Variants in MTFR1 observed in about 807,000 individuals in gnomAD.
MTFR1 encodes chondrocyte protein with a poly-proline region.
In MTFR1, 28 loss-of-function variants were observed where a neutral mutation model predicts 38.8. That is an observed-to-expected ratio of 0.72 (90% CI 0.53 to 0.99). The LOEUF (loss-of-function observed/expected upper bound fraction) is 0.99. Among genes scored for constraint, MTFR1 ranks in the 50% least tolerant of loss-of-function variants. The pLI is 0.00. For missense variants in MTFR1, 358 were observed against 395.5 expected, an observed-to-expected ratio of 0.91 and a Z score of 0.81; for synonymous variants, 145 against 137.0, an observed-to-expected ratio of 1.06 and a Z score of -0.41.
At chr8:65,731,344 A>C (rs1806878597) in intron 3 of MTFR1, among the ~76,000 whole-genome samples, 1 of 152,202 alleles carries the variant, frequency 6.6e-6, no homozygotes, top group South Asian at 2.1e-4. Context: ...CTCTTTTGTC[A>C]ACTGCCAGGG....
downstream of MTFR1, among the ~76,000 whole-genome samples, chr8:65,713,415 T>A (rs1806009123): frequency 6.8e-6 from 1 of 147,542 alleles, no homozygotes; most frequent in South Asian, 2.2e-4. Context: ...CACTCTAGCC[T>A]GGGCAACGGA....
At chr8:65,686,304 G>T (rs1017937798) in intron 3 of MTFR1, among the ~76,000 whole-genome samples, 17 of 152,158 alleles carry the variant, frequency 1.1e-4, no homozygotes, top group Non-Finnish European at 2.2e-4. Flanking sequence ...CAGCACAGTG[G>T]CTCGCACCTG....
intron 1 of MTFR1, among the ~76,000 whole-genome samples, chr8:65,667,594 A>G (rs192395474): frequency 4.4e-3 from 671 of 151,824 alleles, no homozygotes; most frequent in Non-Finnish European, 7.6e-3. Context: ...TGCCCAGCTA[A>G]TTTTTGTATT....
intron 3 of MTFR1, among the ~76,000 whole-genome samples, chr8:65,752,407 CA>C (rs1179413522): frequency 6.6e-6 from 1 of 152,102 alleles, no homozygotes; most frequent in Non-Finnish European, 1.5e-5. Flanking sequence ...ATTGAATGTT[CA>C]AATTTTTTTT....
intron 4 of MTFR1, among the ~76,000 whole-genome samples, chr8:65,699,096 T>C (rs1444452780): frequency 6.6e-6 from 1 of 152,218 alleles, no homozygotes; most frequent in East Asian, 1.9e-4. Flanking sequence ...ATGTGGTATT[T>C]GGTTTTCTGT....
chr8:65,657,806 A>G (rs569061774), intron 1 of MTFR1, among the ~76,000 whole-genome samples: 12 of 152,248 alleles, frequency 7.9e-5, no homozygotes, highest in African/African-American at 2.9e-4. Context: ...ACACATAATA[A>G]TTGTACATAT....
At chr8:65,729,989 GCCATGGACCGGTACTGGT>G (rs1806785212) in intron 3 of MTFR1, among the ~76,000 whole-genome samples, 1 of 151,674 alleles carries the variant, frequency 6.6e-6, no homozygotes, top group Admixed American at 6.6e-5. Flanking sequence ...CAATCCCCAG[GCCATGGACCGGTACTGGT>G]CCATGGCCTG....
At position 65,707,197 on chromosome 8, in the gene MTFR1, G is replaced by A. The variant is rs773672338; in HGVS notation, c.705G>A (p.Met235Ile). ...LVKNNPKKPE[M>I]PNMLEILKEM... ...AGAACAATCCAAAGAAACCTGAAATGCCAAATATGCTAGAGATCCTTAAAG... is the reference window on the plus strand; with the variant it reads ...AGAACAATCCAAAGAAACCTGAAATACCAAATATGCTAGAGATCCTTAAAG... Residue 235 changes from methionine (M) to isoleucine (I), a missense_variant, in exon 6 of 8, where the codon ATG (methionine) becomes ATA (isoleucine). Coordinates refer to ENST00000262146, the MANE Select transcript of MTFR1 (RefSeq NM_014637.4). The A allele has an allele frequency of 1.9e-6, 3 of 1,614,024 alleles. No individual in the cohort carries two copies. The highest frequency in any genetic ancestry group is 2.2e-5 in the South Asian group (2 of 91,086).
chr8:65,682,062 T>C (rs2129053495), intron 2 of MTFR1: 1 of 167,198 alleles, frequency 6.0e-6, no homozygotes, highest in East Asian at 1.6e-4. Flanking sequence ...GAAAACCTGA[T>C]GAAAATAAAA....
intron 1 of MTFR1, among the ~76,000 whole-genome samples, chr8:65,663,190 A>T: frequency 6.6e-6 from 1 of 152,188 alleles, no homozygotes; most frequent in Non-Finnish European, 1.5e-5. Flanking sequence ...ATACTAAGAA[A>T]AATTCTTCTG....
chr8:65,737,851 A>T (rs985643639), intron 3 of MTFR1, among the ~76,000 whole-genome samples: 4 of 152,212 alleles, frequency 2.6e-5, no homozygotes, highest in Non-Finnish European at 1.5e-5. Flanking sequence ...CACCAGCAAC[A>T]TCTTAACTTA....
intron 5 of MTFR1, 32 bp from the exon 6 acceptor site, chr8:65,706,978 G>C (rs1186994999): frequency 6.5e-7 from 1 of 1,549,658 alleles, no homozygotes; most frequent in African/African-American, 1.4e-5. Flanking sequence ...TAATACCAGT[G>C]GGATTAAGTT....
intron 3 of MTFR1, among the ~76,000 whole-genome samples, chr8:65,688,252 T>G (rs911682292): frequency 4.0e-5 from 6 of 150,854 alleles, no homozygotes; most frequent in Admixed American, 2.0e-4. Flanking sequence ...ATACAAAAAT[T>G]AGCTGGGTGT....
chr8:65,767,184 G>T (rs575753057), intron 3 of MTFR1, among the ~76,000 whole-genome samples: 1 of 152,232 alleles, frequency 6.6e-6, no homozygotes, highest in African/African-American at 2.4e-5. Context: ...CAGCTTTGGG[G>T]GACAGACACA....
At chr8:65,747,036 T>C (rs1033248233) in intron 3 of MTFR1, among the ~76,000 whole-genome samples, 1 of 152,222 alleles carries the variant, frequency 6.6e-6, no homozygotes, top group Admixed American at 6.5e-5. Context: ...GTAAGACATT[T>C]CTTTTAAATT....
At chr8:65,739,622 A>G in intron 3 of MTFR1, 1 of 1,481,034 alleles carries the variant, frequency 6.8e-7, no homozygotes. Context: ...GAGACATTAC[A>G]TTAGTAGGAA....
intron 1 of MTFR1, among the ~76,000 whole-genome samples, chr8:65,662,756 G>T (rs1280463902): frequency 1.4e-5 from 2 of 147,190 alleles, no homozygotes; most frequent in South Asian, 2.2e-4. Flanking sequence ...CAGCCACCCC[G>T]TCTGGGAAGT....
intron 1 of MTFR1, among the ~76,000 whole-genome samples, chr8:65,664,285 G>A (rs1191722807): frequency 6.6e-6 from 1 of 152,172 alleles, no homozygotes; most frequent in Non-Finnish European, 1.5e-5. Flanking sequence ...AGACAGATGA[G>A]TACATGAATT....
intron 2 of MTFR1, among the ~76,000 whole-genome samples, chr8:65,677,317 G>T (rs1282220269): frequency 2.0e-5 from 3 of 149,654 alleles, no homozygotes; most frequent in Admixed American, 6.7e-5. Flanking sequence ...TGATCCACCC[G>T]CCTCGGCCTT....
Sources: gnomAD v4.1 joint callset for allele counts (sites outside exome capture counted in the v4.1 genomes callset) on GRCh38, gnomAD v4.1.1 for gene constraint, MANE v1.5 for transcripts, NCBI Gene and HGNC (gene_info 2026-07-23, HGNC 2026-07-21) for gene names.